The following KLHL15 variants were observed in gnomAD, a reference collection of about 807,000 sequenced individuals.
KLHL15 encodes the protein kelch like family member 15.
KLHL15 carries 1 observed loss-of-function variant against 29.3 expected under a neutral mutation model. That is an observed-to-expected ratio of 0.03 (90% CI 0.01 to 0.16). The LOEUF is 0.16. KLHL15 is among the 10% of genes least tolerant of loss of function. KLHL15 has a pLI of 1.00. For missense variants in KLHL15, 215 were observed against 478.5 expected (o/e 0.45, Z 5.14); for synonymous variants, 212 against 184.5 (o/e 1.15, Z -1.21).
intron 2 of KLHL15, among the ~76,000 whole-genome samples, chrX:24,010,166 G>A (rs1241204946): frequency 1.8e-5 from 2 of 110,834 alleles, no homozygotes; most frequent in East Asian, 5.6e-4. Flanking sequence ...ACTTGGACCT[G>A]TTCCTGATCC....
rs1393312142 is a variant in KLHL15, at chrX:24,002,641, TG to T, written c.705+3347del. Among the ~76,000 whole-genome samples the T allele has an allele frequency of 6.6e-5, 7 of 105,651 alleles. No homozygotes were observed. In the East Asian group the frequency reaches 2.2e-3, roughly 33 times the overall value. 91.7% of individuals were successfully genotyped at this position (105,651 alleles called of 115,157 possible). On this transcript the variant is annotated intron_variant, in intron 3 of 3. Coordinates refer to ENST00000328046, the MANE Select transcript of KLHL15 (RefSeq NM_030624.3). ...TTTTGGATGGGGTGGGGTAGGGGAT[TG>T]GGGGGAACAGGTTCTCACTTTTATC...
At chrX:24,026,417 A>G (rs1929934684) in intron 1 of KLHL15, among the ~76,000 whole-genome samples, 1 of 112,040 alleles carries the variant, frequency 8.9e-6, no homozygotes, top group South Asian at 3.7e-4. Context: ...AGACTATAGG[A>G]CTGTTTTGTA....
chrX:23,997,488 A>T (rs1929213211), intron 3 of KLHL15, among the ~76,000 whole-genome samples: 1 of 109,766 alleles, frequency 9.1e-6, no homozygotes, highest in African/African-American at 3.3e-5. Flanking sequence ...CTGTAGACTT[A>T]GCACTTAGGG....
chrX:24,025,879 CG>C (rs1413861345), intron 1 of KLHL15, among the ~76,000 whole-genome samples: 1 of 110,876 alleles, frequency 9.0e-6, no homozygotes, highest in Admixed American at 9.4e-5. Context: ...GCGCCGCCGT[CG>C]GGGCTGAGGA....
At chrX:24,016,339 C>CAAAAAA (rs755683770) in intron 2 of KLHL15, among the ~76,000 whole-genome samples, 47 of 21,684 alleles carry the variant, frequency 2.2e-3, no homozygotes, top group African/African-American at 6.7e-3. Flanking sequence ...GACTCTGTCT[C>CAAAAAA]AAAAAAAAAA....
intron 2 of KLHL15, among the ~76,000 whole-genome samples, chrX:24,016,533 G>A (rs1271095618): frequency 1.9e-5 from 2 of 108,078 alleles, no homozygotes; most frequent in Admixed American, 2.0e-4. Flanking sequence ...TAGGTGTTGT[G>A]GCTCACGCCT....
intron 2 of KLHL15, among the ~76,000 whole-genome samples, chrX:24,013,164 A>G: frequency 9.0e-6 from 1 of 111,383 alleles, no homozygotes; most frequent in South Asian, 3.7e-4. Flanking sequence ...GTAGCTATTC[A>G]TAGGCATGAT....
chrX:23,985,312 C>T lies in KLHL15; in HGVS notation c.*2609G>A, dbSNP rs1601992388. On this transcript the variant is annotated 3_prime_UTR_variant, in exon 4 of 4. Coordinates refer to ENST00000328046, the MANE Select transcript of KLHL15 (RefSeq NM_030624.3). ...ATAAACAAAAACTCCAAATGAAGCA[C>T]ACAAAAAATAAACTTGAAAAAAATG... 9.0e-6 allele frequency: 1 copy of T among 110,896 alleles called. No individual in the cohort carries two copies. The highest frequency in any genetic ancestry group is 3.7e-4 in the South Asian group (1 of 2,688). The allele number at this position is 110,896 out of a possible 1,213,427, so 9.1% of individuals were successfully genotyped here. A position where few individuals can be genotyped will look rare whatever the true frequency, so the allele number is the denominator to read the frequency against.
intron 1 of KLHL15, among the ~76,000 whole-genome samples, chrX:24,026,638 TAA>T (rs1475756247): frequency 1.1e-4 from 11 of 101,322 alleles, no homozygotes; most frequent in African/African-American, 4.0e-4. Context: ...GAGGTGTCGC[TAA>T]AAGCGATAAT....
chrX:24,010,652 G>A (rs1360687926), intron 2 of KLHL15, among the ~76,000 whole-genome samples: 1 of 111,887 alleles, frequency 8.9e-6, no homozygotes, highest in South Asian at 3.7e-4. Context: ...AGAGCACTAA[G>A]GATGTGGCAG....
At chrX:24,003,611 G>A (rs1398778115) in intron 3 of KLHL15, among the ~76,000 whole-genome samples, 1 of 105,781 alleles carries the variant, frequency 9.5e-6, no homozygotes, top group Non-Finnish European at 1.9e-5. Context: ...CTATATGTAC[G>A]GTAAGAGCAC....
intron 2 of KLHL15, among the ~76,000 whole-genome samples, chrX:24,021,448 C>T (rs1370275649): frequency 9.0e-6 from 1 of 111,685 alleles, no homozygotes; most frequent in African/African-American, 3.3e-5. Context: ...TGCCCCTCCA[C>T]TTTATTATTC....
Position 23,986,699 on chromosome X carries a change from T to C in KLHL15, c.*1222A>G, listed in dbSNP as rs1444998894. ...ATCCCTAGTGTCGCTGGGTATTTTG[T>C]ACAAAATAAACAAGTAGATAAAACC... On this transcript the variant is annotated 3_prime_UTR_variant, in exon 4 of 4. Coordinates refer to ENST00000328046, the MANE Select transcript of KLHL15 (RefSeq NM_030624.3). 1 of 112,428 alleles carries C rather than the reference T, an allele frequency of 8.9e-6. No individual in the cohort carries two copies. The highest frequency in any genetic ancestry group is 1.9e-5 in the Non-Finnish European group (1 of 53,252). The allele number at this position is 112,428 out of a possible 1,213,427, so 9.3% of individuals were successfully genotyped here.
intron 3 of KLHL15, among the ~76,000 whole-genome samples, chrX:24,001,802 CAAAAAAAAAAA>C (rs766669649): frequency 0.025 from 568 of 22,651 alleles, 10 homozygotes; most frequent in Non-Finnish European, 0.034. Context: ...AGACTTGACT[CAAAAAAAAAAA>C]AAAAAAAAAA....
Position 23,985,637 on chromosome X carries a change from T to G in KLHL15, c.*2284A>C, listed in dbSNP as rs1295248111. 1 of 112,492 alleles carries G rather than the reference T, an allele frequency of 8.9e-6. No individual in the cohort carries two copies. Among genetic ancestry groups the G allele is most frequent in the Admixed American group, 9.4e-5 (1 of 10,597 alleles). The allele number at this position is 112,492 out of a possible 1,213,427, so 9.3% of individuals were successfully genotyped here. On this transcript the variant is annotated 3_prime_UTR_variant, in exon 4 of 4. Coordinates refer to ENST00000328046, the MANE Select transcript of KLHL15 (RefSeq NM_030624.3). ...AAACATGAACTTTGATCTTGGCCTC[T>G]GTCTTTAAAATGGAAGACCAAGAAT...
At chrX:24,007,504 A>ATAT (rs1555976994) in intron 2 of KLHL15, among the ~76,000 whole-genome samples, 1 of 54,984 alleles carries the variant, frequency 1.8e-5, no homozygotes, top group Non-Finnish European at 3.1e-5. Context: ...AAAAAAAAAA[A>ATAT]AAAAATATAT....
Position 24,027,164 on chromosome X carries a change from T to C in KLHL15, c.-234A>G, listed in dbSNP as rs1287601959. The C allele has an allele frequency of 1.8e-5, 2 of 112,071 alleles. No individual in the cohort carries two copies. Among genetic ancestry groups the C allele is most frequent in the African/African-American group, 6.5e-5 (2 of 30,794 alleles). 9.2% of individuals were successfully genotyped at this position (112,071 alleles called of 1,213,427 possible). On this transcript the variant is annotated 5_prime_UTR_variant, in exon 1 of 4. Coordinates refer to ENST00000328046, the MANE Select transcript of KLHL15 (RefSeq NM_030624.3). ...CCTGTCTAAAGAGAGGCTTCTGTTCTTGATTCAAGCAAGAGTTGAAACGTT... is the reference window on the plus strand; with the variant it reads ...CCTGTCTAAAGAGAGGCTTCTGTTCCTGATTCAAGCAAGAGTTGAAACGTT...
Position 23,988,665 on chromosome X carries a change from G to A in KLHL15, c.1071C>T (p.Asn357=), listed in dbSNP as rs978295115. 1.7e-6 allele frequency: 2 copies of A among 1,209,764 alleles called. No individual in the cohort carries two copies. Among genetic ancestry groups the A allele is most frequent in the Middle Eastern group, 2.3e-4 (1 of 4,376 alleles). The stretch of plus-strand genomic sequence containing the variant: ...ACATATCTGCCATCTGCAGCCAGGA[G>A]TTCTGTCTCGGGTCATACCTGAATA... ...SKVFRYDPRQ[N]SWLQMADMSV... is the part of the protein sequence containing the mutation. Residue 357 remains asparagine (N), a synonymous_variant, in exon 4 of 4, where the codon AAC becomes AAT. Transcript: ENST00000328046.
chrX:24,022,121 T>C (rs191221424), intron 2 of KLHL15, among the ~76,000 whole-genome samples: 1,208 of 109,844 alleles, frequency 0.011, 9 homozygotes, highest in Non-Finnish European at 0.018. Context: ...GGCGGATCAC[T>C]TGAAGTCAGT....
Sources: gnomAD v4.1 joint callset for allele counts (sites outside exome capture counted in the v4.1 genomes callset) on GRCh38, gnomAD v4.1.1 for gene constraint, MANE v1.5 for transcripts, NCBI Gene and HGNC (gene_info 2026-07-23, HGNC 2026-07-21) for gene names.